Variants in LOC400499 observed in about 807,000 individuals in gnomAD.
the LOC400499 span, among the ~76,000 whole-genome samples, chr16:11,421,136 A>G: frequency 6.6e-6 from 1 of 152,186 alleles, no homozygotes; most frequent in African/African-American, 2.4e-5. Context: ...ACTCAGGCTC[A>G]GGGCAGATCC....
the LOC400499 span, among the ~76,000 whole-genome samples, chr16:11,518,150 G>C: frequency 6.6e-6 from 1 of 152,324 alleles, no homozygotes; most frequent in South Asian, 2.1e-4. Context: ...GGGGACAATA[G>C]TCCCCTTGGA....
At chr16:11,499,588 C>G in the LOC400499 span, among the ~76,000 whole-genome samples, 1 of 152,088 alleles carries the variant, frequency 6.6e-6, no homozygotes, top group South Asian at 2.1e-4. Flanking sequence ...ACCCTGCGGT[C>G]AGGGGCCAGA....
chr16:11,437,978 G>A, the LOC400499 span, among the ~76,000 whole-genome samples: 4 of 152,144 alleles, frequency 2.6e-5, no homozygotes, highest in Admixed American at 1.3e-4. Context: ...GATCGCATGC[G>A]CTCTGAAACC....
the LOC400499 span, chr16:11,522,246 G>C: frequency 7.5e-6 from 3 of 397,546 alleles, no homozygotes; most frequent in Non-Finnish European, 1.3e-5. Context: ...CCCCAGCTTG[G>C]GGAAAGGTTG....
At chr16:11,406,413 C>T in the LOC400499 span, among the ~76,000 whole-genome samples, 1 of 152,196 alleles carries the variant, frequency 6.6e-6, no homozygotes, top group Admixed American at 6.5e-5. Context: ...CTCGAATGCC[C>T]CTCCCCCAGA....
At chr16:11,464,868 A>AG in the LOC400499 span, among the ~76,000 whole-genome samples, 16 of 152,238 alleles carry the variant, frequency 1.1e-4, no homozygotes, top group African/African-American at 2.7e-4. Context: ...GCAAACAACT[A>AG]GAAGTTCAAG....
the LOC400499 span, among the ~76,000 whole-genome samples, chr16:11,416,230 A>G: frequency 0.15 from 22,690 of 151,972 alleles, 2,201 homozygotes; most frequent in African/African-American, 0.28. Flanking sequence ...GATTACATGC[A>G]TGAGCCATTG....
the LOC400499 span, chr16:11,383,644 C>T: frequency 1.6e-6 from 2 of 1,232,288 alleles, no homozygotes; most frequent in Non-Finnish European, 2.0e-6. Flanking sequence ...CAGCTTACCA[C>T]ACTGTGGAGG....
the LOC400499 span, among the ~76,000 whole-genome samples, chr16:11,452,205 G>T: frequency 0.032 from 2,836 of 88,462 alleles, 48 homozygotes; most frequent in Non-Finnish European, 0.04. Context: ...TTTTTTGTTT[G>T]TTTTTTTTTT....
At chr16:11,504,573 C>T in the LOC400499 span, among the ~76,000 whole-genome samples, 2,809 of 151,146 alleles carry the variant, frequency 0.019, 91 homozygotes, top group African/African-American at 0.065. Context: ...AAAAAAAAGA[C>T]GGATACGTAG....
the LOC400499 span, among the ~76,000 whole-genome samples, chr16:11,466,931 G>GTC: frequency 6.6e-6 from 1 of 151,744 alleles, no homozygotes; most frequent in African/African-American, 2.4e-5. Flanking sequence ...TTGTGTGTGT[G>GTC]TGTGTGTATG....
the LOC400499 span, among the ~76,000 whole-genome samples, chr16:11,442,857 G>A: frequency 6.6e-6 from 1 of 152,140 alleles, no homozygotes; most frequent in Non-Finnish European, 1.5e-5. Flanking sequence ...GTCTAAGGCT[G>A]TCATCCTGCC....
At chr16:11,430,562 A>G in the LOC400499 span, among the ~76,000 whole-genome samples, 1 of 152,188 alleles carries the variant, frequency 6.6e-6, no homozygotes, top group East Asian at 1.9e-4. Context: ...ATAAAATAAT[A>G]TGTTAAATAT....
the LOC400499 span, chr16:11,398,364 A>G: frequency 8.1e-7 from 1 of 1,232,268 alleles, no homozygotes; most frequent in South Asian, 4.1e-5. Flanking sequence ...CAGGTCACAG[A>G]GCCCCAGGTG....
the LOC400499 span, among the ~76,000 whole-genome samples, chr16:11,443,217 G>A: frequency 9.3e-5 from 14 of 151,260 alleles, no homozygotes; most frequent in African/African-American, 2.7e-4. Context: ...CCAGCTACTC[G>A]GGAGGCTGAG....
At chr16:11,385,376 G>T in the LOC400499 span, 3 of 1,232,294 alleles carry the variant, frequency 2.4e-6, no homozygotes, top group Non-Finnish European at 1.0e-6. Flanking sequence ...CCCGGCCGTC[G>T]AAGGTCACCA....
At chr16:11,503,672 T>A in the LOC400499 span, among the ~76,000 whole-genome samples, 2 of 152,352 alleles carry the variant, frequency 1.3e-5, no homozygotes, top group East Asian at 3.9e-4. Flanking sequence ...AAACAGGCCC[T>A]CACTGGTCAC....
the LOC400499 span, among the ~76,000 whole-genome samples, chr16:11,454,229 C>G: frequency 6.6e-6 from 1 of 152,254 alleles, no homozygotes; most frequent in Non-Finnish European, 1.5e-5. Flanking sequence ...AAATTCTCCA[C>G]TCAAACTGTC....
the LOC400499 span, among the ~76,000 whole-genome samples, chr16:11,395,603 A>T: frequency 6.6e-6 from 1 of 152,220 alleles, no homozygotes; most frequent in East Asian, 1.9e-4. Flanking sequence ...GATGCCGGGA[A>T]GGGAGGGAAC....
Sources: gnomAD v4.1 joint callset for allele counts (sites outside exome capture counted in the v4.1 genomes callset) on GRCh38, gnomAD v4.1.1 for gene constraint, MANE v1.5 for transcripts.